The following FHAD1 variants were observed in gnomAD, a reference collection of about 807,000 sequenced individuals.
The protein encoded by FHAD1 is forkhead-associated domain-containing protein 1.
FHAD1 carries 146 observed loss-of-function variants against 191.3 expected under a neutral mutation model. That is an observed-to-expected ratio of 0.76 (90% CI 0.67 to 0.88). The LOEUF (loss-of-function observed/expected upper bound fraction) is 0.88, where lower values mean the gene tolerates loss of function less well. Among genes scored for constraint, FHAD1 ranks in the 40% least tolerant of loss-of-function variants. The pLI is 0.00. For missense variants in FHAD1, 1,635 were observed against 1,785.8 expected, an observed-to-expected ratio of 0.92 and a Z score of 1.52; for synonymous variants, 616 against 672.3, an observed-to-expected ratio of 0.92 and a Z score of 1.29.
In FHAD1 at chr1:15,296,878, A is replaced by G. The variant is rs181060581; in HGVS notation, c.678+85A>G. On this transcript the variant is annotated intron_variant, in intron 5 of 33. Coordinates refer to ENST00000688493, the MANE Select transcript of FHAD1 (RefSeq NM_001391957.1). ...TGCCGATGCCTGTTCTGTGTGGCCC[A>G]GGAGTGCCCTTATCCTGCTTCCAAG... 4.7e-6 allele frequency: 5 copies of G among 1,074,228 alleles called. No individual in the cohort carries two copies. The East Asian group carries it at 1.0e-4, about 22-fold the overall frequency. 66.5% of individuals were successfully genotyped at this position (1,074,228 alleles called of 1,614,324 possible).
At chr1:15,399,927 A>C (rs192075259), downstream of FHAD1, 7 of 152,336 alleles carry the variant, frequency 4.6e-5, no homozygotes, top group African/African-American at 1.7e-4. Context: ...AAAGCTAATC[A>C]CCATGATTTT....
intron 16 of FHAD1, among the ~76,000 whole-genome samples, chr1:15,343,386 C>G (rs1687566008): frequency 6.6e-6 from 1 of 151,372 alleles, no homozygotes; most frequent in African/African-American, 2.4e-5. Context: ...CCCCCCAGAT[C>G]CACCGGACCC....
rs556540962 is a variant in FHAD1 at position 15,387,877 on chromosome 1, C to T, written c.4189-174C>T. ...TCCAGCCTGTGTGACAGAGTGAGAT[C>T]CTGTCTCGAATAAAAAAGAAAAAGA... is the stretch of plus-strand genomic sequence containing the variant. On this transcript the variant is annotated intron_variant, in intron 31 of 33. Coordinates refer to ENST00000688493, the MANE Select transcript of FHAD1 (RefSeq NM_001391957.1). Among the ~76,000 whole-genome samples the T allele has an allele frequency of 3.2e-3, 494 of 152,216 alleles. 1 individual carries two copies. The highest frequency in any genetic ancestry group is 5.9e-3 in the Non-Finnish European group (399 of 68,004).
chr1:15,361,050 T>G (rs544005291), intron 22 of FHAD1, among the ~76,000 whole-genome samples: 138 of 152,332 alleles, frequency 9.1e-4, no homozygotes, highest in African/African-American at 3.3e-3. Context: ...AAGGTTTCTC[T>G]CTGCCATCGG....
chr1:15,259,881 T>C (rs1012201755), intron 2 of FHAD1, among the ~76,000 whole-genome samples: 2 of 151,978 alleles, frequency 1.3e-5, no homozygotes, highest in Non-Finnish European at 2.9e-5. Context: ...AGGGCCCCCC[T>C]CTCCCTGCCA....
At chr1:15,308,822 CT>C (rs1671367920) in intron 7 of FHAD1, 86 bp downstream of exon 7, 2 of 1,525,972 alleles carry the variant, frequency 1.3e-6, no homozygotes. Flanking sequence ...CAACCACATA[CT>C]TTTTGTTACT....
At chr1:15,396,096 G>A (rs1405167133) in intron 33 of FHAD1, among the ~76,000 whole-genome samples, 1 of 152,174 alleles carries the variant, frequency 6.6e-6, no homozygotes, top group Non-Finnish European at 1.5e-5. Context: ...GATCACTTGA[G>A]CCCAGGAACT....
At chr1:15,237,677 C>T (rs186724528) in intron 1 of FHAD1, among the ~76,000 whole-genome samples, 1 of 152,094 alleles carries the variant, frequency 6.6e-6, no homozygotes, top group Admixed American at 6.5e-5. Context: ...ACTTAAGTTT[C>T]AAAAAACAAT....
rs146153050 is a variant in FHAD1 at position 15,260,018 on chromosome 1, A to G, written c.93+8141A>G. 3.4e-4 allele frequency among the ~76,000 whole-genome samples: 52 copies of G among 152,322 alleles called. No individual in the cohort carries two copies. The East Asian group carries it at 9.8e-3, about 29-fold the overall frequency. ...CCACGTAAGCTAGGCTAAGCGTTTC[A>G]TGTTTAACTTGCTGCGAAAATGGAA... is the stretch of plus-strand genomic sequence containing the variant. On this transcript the variant is annotated intron_variant, in intron 2 of 33. Transcript: ENST00000688493.
chr1:15,324,704 G>C, intron 11 of FHAD1, 145 bp downstream of exon 11: 2 of 652,352 alleles, frequency 3.1e-6, no homozygotes, highest in Non-Finnish European at 5.6e-6. Context: ...AGCAGAGGCT[G>C]TCTGCAGCTC....
rs138056046 is a variant in FHAD1, at chr1:15,354,354, G to A, written c.2562+1370G>A. On this transcript the variant is annotated intron_variant, in intron 20 of 33. Transcript: ENST00000688493. Reference sequence around the variant, plus strand: ...ATAGTCCAGAAGGCACATCTGGATCGCACGTCAGCCCTGGACACCAGTCTT... The same window carrying A: ...ATAGTCCAGAAGGCACATCTGGATCACACGTCAGCCCTGGACACCAGTCTT... 7.2e-5 allele frequency among the ~76,000 whole-genome samples: 11 copies of A among 152,290 alleles called. No individual in the cohort carries two copies. In the East Asian group the frequency reaches 1.7e-3, roughly 24 times the overall value.
chr1:15,301,159 C>T, intron 5 of FHAD1, 46 bp from the exon 6 acceptor site: 1 of 1,509,426 alleles, frequency 6.6e-7, no homozygotes, highest in Non-Finnish European at 9.0e-7. Flanking sequence ...CTCAGCCTCA[C>T]ACCTAGGCCC....
chr1:15,324,690 C>G, intron 11 of FHAD1, 131 bp downstream of exon 11: 1 of 686,916 alleles, frequency 1.5e-6, no homozygotes, highest in African/African-American at 1.8e-5. Flanking sequence ...CCATTTATCT[C>G]ATGAGCAGAG....
intron 2 of FHAD1, among the ~76,000 whole-genome samples, chr1:15,259,175 C>T (rs1649806920): frequency 6.6e-6 from 1 of 151,980 alleles, no homozygotes. Flanking sequence ...TGTCTCAGCT[C>T]AAGGTTCTTT....
chr1:15,291,747 C>T (rs1182636319), intron 4 of FHAD1, among the ~76,000 whole-genome samples: 3 of 152,128 alleles, frequency 2.0e-5, no homozygotes, highest in Admixed American at 6.5e-5. Context: ...ACGAGAGCTG[C>T]GGTCCTCTGA....
At chr1:15,337,692 G>A (rs557400827) in intron 14 of FHAD1, among the ~76,000 whole-genome samples, 93 of 152,080 alleles carry the variant, frequency 6.1e-4, no homozygotes, top group African/African-American at 2.1e-3. Flanking sequence ...AATACGGCCC[G>A]ACATAGCAGC....
intron 2 of FHAD1, among the ~76,000 whole-genome samples, chr1:15,256,537 C>A (rs1461360468): frequency 1.3e-5 from 2 of 151,490 alleles, no homozygotes; most frequent in Non-Finnish European, 2.9e-5. Context: ...CCTGTAATCC[C>A]AGCTACCTGG....
At chr1:15,303,282 T>C (rs1191856070) in intron 6 of FHAD1, among the ~76,000 whole-genome samples, 2 of 152,204 alleles carry the variant, frequency 1.3e-5, no homozygotes, top group Admixed American at 1.3e-4. Context: ...CTATAGGAAA[T>C]ACTGCTGCAG....
At chr1:15,297,177 A>AC (rs1667250745) in intron 5 of FHAD1, among the ~76,000 whole-genome samples, 2 of 152,210 alleles carry the variant, frequency 1.3e-5, no homozygotes, top group Non-Finnish European at 2.9e-5. Context: ...AGGTCTGGTT[A>AC]ACTTCCCTAG....
Sources: allele counts gnomAD v4.1 joint callset (sites outside exome capture counted in the v4.1 genomes callset), GRCh38; gene constraint gnomAD v4.1.1; transcripts MANE v1.5; gene names NCBI Gene and HGNC (gene_info 2026-07-23, HGNC 2026-07-21).